FLNC: variants seen among roughly 807,000 people sequenced by gnomAD.
FLNC encodes the protein filamin-C.
FLNC carries 91 observed loss-of-function variants against 254.3 expected under a neutral mutation model. That is an observed-to-expected ratio of 0.36 (90% CI 0.30 to 0.43). The LOEUF (loss-of-function observed/expected upper bound fraction) is 0.43, where lower values mean the gene tolerates loss of function less well. Ranked by LOEUF, FLNC falls within the 20% of genes least tolerant of loss-of-function variation. FLNC has a pLI of 1.00. For synonymous variants in FLNC, 1,430 were observed against 1,577.2 expected (o/e 0.91, Z 2.21); for missense variants, 2,853 against 3,802.6 (o/e 0.75, Z 6.57).
chr7:128,843,076 T>G, intron 16 of FLNC, 122 bp downstream of exon 16: 1 of 1,403,082 alleles, frequency 7.1e-7, no homozygotes, highest in African/African-American at 1.4e-5. Flanking sequence ...CCTACCTGTG[T>G]GAGGCAGGGT....
In FLNC at chr7:128,842,311, G is replaced by A. The variant is rs769984017; in HGVS notation, c.2202G>A (p.Lys734=). 5 of 1,613,738 alleles carry A rather than the reference G, an allele frequency of 3.1e-6. No individual in the cohort carries two copies. The highest frequency in any genetic ancestry group is 3.4e-6 in the Non-Finnish European group (4 of 1,180,016). The change falls in exon 14 of 48, where the codon AAG becomes AAA. Residue 734 remains lysine, a synonymous_variant. Coordinates refer to ENST00000325888, the MANE Select transcript of FLNC (RefSeq NM_001458.5). This position sits in a 1 kb window ranked among gnomAD's most constrained non-coding sequence, Gnocchi z 5.4. ...TCCGCTGCTCCTACGTGCCCACCAA[G>A]CCCATTAAGCACACCATCATCATCT... ...GTFRCSYVPT[K]PIKHTIIISW...
Position 128,853,042 on chromosome 7 carries a change from C to T in FLNC, c.6208+11C>T, listed in dbSNP as rs1563002596. On this transcript the variant is annotated intron_variant, in intron 37 of 47. Coordinates refer to ENST00000325888, the MANE Select transcript of FLNC (RefSeq NM_001458.5). ...ACACTCGCAATGCAGGTACCTCCTG[C>T]CCCAGAGAGCCCCCATTCCAGCGGG... 3.1e-6 allele frequency: 5 copies of T among 1,611,228 alleles called. No homozygotes were observed. Among genetic ancestry groups the T allele is most frequent in the Non-Finnish European group, 4.2e-6 (5 of 1,178,712 alleles).
At chr7:128,840,334 T>C (rs148068774) in intron 9 of FLNC, among the ~76,000 whole-genome samples, 174 bp downstream of exon 9, 1 of 152,302 alleles carries the variant, frequency 6.6e-6, no homozygotes, top group Non-Finnish European at 1.5e-5. Context: ...TTTCTTGGTC[T>C]ACAAGCCAGG....
intron 3 of FLNC, 30 bp from the exon 4 acceptor site, chr7:128,837,368 G>T (rs765541921): frequency 6.2e-7 from 1 of 1,613,740 alleles, no homozygotes; most frequent in South Asian, 1.1e-5. Context: ...AAAAGAGGGC[G>T]CCATGTGACA....
rs1274480597 is a variant in FLNC, at chr7:128,837,642, G to C, written c.856G>C (p.Glu286Gln). Residue 286 changes from glutamate to glutamine, a missense_variant, in exon 5 of 48, where the codon GAG becomes CAG. Transcript: ENST00000325888. ...KKAIAYGPGI[E>Q]PQGNTVLQPA... ...GCTCTGCTCCTGCCCCGTAGGCATC[G>C]AGCCACAGGGCAACACCGTGCTGCA... 1 of 1,612,622 alleles carries C rather than the reference G, an allele frequency of 6.2e-7. No homozygotes were observed. The highest frequency in any genetic ancestry group is 2.2e-5 in the East Asian group (1 of 44,890).
At position 128,847,999 on chromosome 7, in the gene FLNC, A is replaced by G. The variant is rs1429032102; in HGVS notation, c.4511A>G (p.His1504Arg). 6.2e-7 allele frequency: 1 copy of G among 1,608,928 alleles called. No individual in the cohort carries two copies. ...AATGGAGATGGCACCCACACTGTCCACTACACCCCAGCCACTGACGGGCCC... is the reference window on the plus strand; with the variant it reads ...AATGGAGATGGCACCCACACTGTCCGCTACACCCCAGCCACTGACGGGCCC... Reference protein sequence around the residue: ...RDNGDGTHTVHYTPATDGPYT... With the variant: ...RDNGDGTHTVRYTPATDGPYT... The change falls in exon 26 of 48, where the codon CAC (histidine) becomes CGC (arginine). Residue 1504 changes from histidine (H) to arginine (R), a missense_variant. Transcript: ENST00000325888.
rs772401033 is a variant in FLNC at position 128,830,919 on chromosome 7, A to G, written c.282A>G (p.Gln94=). The change falls in exon 1 of 48, where the codon CAA becomes CAG. Residue 94 remains glutamine, a synonymous_variant. Transcript: ENST00000325888. The part of the protein sequence containing the change: ...RKFHPRPNFR[Q]MKLENVSVAL... ...TCCATCCGCGCCCCAACTTCCGCCAAATGAAGCTGGAGAACGTGTCCGTGG... is the reference window on the plus strand; with the variant it reads ...TCCATCCGCGCCCCAACTTCCGCCAGATGAAGCTGGAGAACGTGTCCGTGG... 5.0e-6 allele frequency: 8 copies of G among 1,613,028 alleles called. No individual in the cohort carries two copies. The Admixed American group carries it at 1.3e-4, about 27-fold the overall frequency.
At position 128,840,164 on chromosome 7, in the gene FLNC, A is replaced by G. The variant is rs767720224; in HGVS notation, c.1549+4A>G. 6.2e-7 allele frequency: 1 copy of G among 1,613,674 alleles called. No individual in the cohort carries two copies. Among genetic ancestry groups the G allele is most frequent in the Admixed American group, 1.7e-5 (1 of 60,014 alleles). On this transcript the variant is annotated splice_donor_region_variant and intron_variant, in intron 9 of 47. Coordinates refer to ENST00000325888, the MANE Select transcript of FLNC (RefSeq NM_001458.5). ...AAGGTCACGGTCAAGGGGCCAAGTG[A>G]GTGCCAGAGCCCAGGGTCGTGAGGG...
chr7:128,850,984 G>C (rs1208136107), intron 33 of FLNC, 41 bp downstream of exon 33: 1 of 1,608,134 alleles, frequency 6.2e-7, no homozygotes, highest in African/African-American at 1.3e-5. Flanking sequence ...TGGGTGAGAG[G>C]AGCAGGCCGT....
At position 128,852,695 on chromosome 7, in the gene FLNC, G is replaced by T. The variant is rs1168686326; in HGVS notation, c.5947G>T (p.Ala1983Ser). The T allele has an allele frequency of 2.5e-6, 4 of 1,613,166 alleles. No individual in the cohort carries two copies. In the Admixed American group the frequency reaches 6.7e-5, roughly 27 times the overall value. The change falls in exon 36 of 48, where the codon GCC (alanine) becomes TCC (serine). Residue 1983 changes from alanine (A) to serine (S), a missense_variant. Ala to Ser is a moderately conservative substitution (Grantham distance 99, BLOSUM62 1). This residue lies in a region of FLNC where 551 missense variants were observed against 835.0 expected (regional missense o/e 0.66). Coordinates refer to ENST00000325888, the MANE Select transcript of FLNC (RefSeq NM_001458.5). ...DLSQLTASIRAPSGNEEPCLL... is the reference protein window; with the variant it reads ...DLSQLTASIRSPSGNEEPCLL... ...GAGCCAGCTGACCGCCAGCATCCGT[G>T]CCCCCTCGGGCAACGAGGAGCCCTG...
In FLNC at chr7:128,838,819, T is replaced by A. The variant is rs919278636; in HGVS notation, c.1411+16T>A. On this transcript the variant is annotated intron_variant, in intron 8 of 47. Transcript: ENST00000325888. ...GTGTCGGAAGGTAAGGGCCCTTCAC[T>A]GCTCCCCACGGTAGCCCTTACCAAA... The A allele has an allele frequency of 5.6e-6, 9 of 1,609,702 alleles. No individual in the cohort carries two copies. Among genetic ancestry groups the A allele is most frequent in the Non-Finnish European group, 7.6e-6 (9 of 1,177,530 alleles).
chr7:128,845,438 CG>C (rs895310087), intron 21 of FLNC, among the ~76,000 whole-genome samples, 183 bp downstream of exon 21: 1 of 151,918 alleles, frequency 6.6e-6, no homozygotes, highest in African/African-American at 2.4e-5. Flanking sequence ...AGGGGAAGAC[CG>C]GGGGTGGAGA....
At position 128,831,437 on chromosome 7, in the gene FLNC, G is replaced by T. The variant is rs542696938; in HGVS notation, c.352+448G>T. 6.3e-3 allele frequency among the ~76,000 whole-genome samples: 966 copies of T among 152,274 alleles called. 12 individuals are homozygous for T. Among genetic ancestry groups the T allele is most frequent in the Non-Finnish European group, 8.8e-3 (599 of 68,004 alleles). On this transcript the variant is annotated intron_variant, in intron 1 of 47. Coordinates refer to ENST00000325888, the MANE Select transcript of FLNC (RefSeq NM_001458.5). ...ACAGCCCCTCCGCGGGCTGGGAGAG[G>T]GCTGAAGACAGGTCCCCAACCACTG... is the stretch of plus-strand genomic sequence containing the variant.
intron 40 of FLNC, 39 bp downstream of exon 40, chr7:128,854,255 G>A (rs752438701): frequency 5.6e-5 from 90 of 1,603,210 alleles, no homozygotes; most frequent in Non-Finnish European, 6.8e-5. Context: ...TCCTCACGGC[G>A]GGATGGGAGG....
At chr7:128,849,889 C>A in intron 30 of FLNC, 87 bp from the exon 31 acceptor site, 1 of 970,126 alleles carries the variant, frequency 1.0e-6, no homozygotes, top group Non-Finnish European at 1.6e-6. Context: ...TATCACCCAG[C>A]ATTTCAGGTT....
At chr7:128,832,560 C>G (rs564816655) in intron 1 of FLNC, among the ~76,000 whole-genome samples, 2 of 152,348 alleles carry the variant, frequency 1.3e-5, no homozygotes, top group Admixed American at 6.5e-5. Context: ...CTCCAGGCCT[C>G]GTCCTTCCTG....
rs1258459459 is a variant in FLNC at position 128,830,830 on chromosome 7, A to G, written c.193A>G (p.Ser65Gly). The change falls in exon 1 of 48, where the codon AGC becomes GGC. Residue 65 changes from serine to glycine, a missense_variant. Coordinates refer to ENST00000325888, the MANE Select transcript of FLNC (RefSeq NM_001458.5). ...KRLTDLQRDL[S>G]DGLRLIALLE... ...CCTGACCGACCTGCAGCGCGACCTC[A>G]GCGACGGGCTCCGGCTCATCGCGCT... 13 of 1,613,102 alleles carry G rather than the reference A, an allele frequency of 8.1e-6. No individual in the cohort carries two copies. In the South Asian group the frequency reaches 1.2e-4, roughly 15 times the overall value.
intron 7 of FLNC, 59 bp downstream of exon 7, chr7:128,838,488 G>T: frequency 6.2e-7 from 1 of 1,603,910 alleles, no homozygotes; most frequent in Non-Finnish European, 8.5e-7. Context: ...GGCTGTGTGG[G>T]GGTGGGGGGA....
chr7:128,830,489 C>G lies in FLNC; in HGVS notation c.-149C>G, dbSNP rs1259336481. The G allele has an allele frequency of 1.5e-6, 1 of 687,246 alleles. No homozygotes were observed. Among genetic ancestry groups the G allele is most frequent in the African/African-American group, 1.8e-5 (1 of 55,242 alleles). 42.6% of individuals were successfully genotyped at this position (687,246 alleles called of 1,614,324 possible). A position where few individuals can be genotyped will look rare whatever the true frequency, so the allele number is the denominator to read the frequency against. On this transcript the variant is annotated 5_prime_UTR_variant, in exon 1 of 48. Transcript: ENST00000325888. Reference sequence around the variant, plus strand: ...GCCTAGGAGGCCCGCCGAGCCTCGCCGAGCCCCGCCAGCCCCGGCGCGAGA... The same window carrying G: ...GCCTAGGAGGCCCGCCGAGCCTCGCGGAGCCCCGCCAGCCCCGGCGCGAGA...
Sources: allele counts gnomAD v4.1 joint callset (sites outside exome capture counted in the v4.1 genomes callset), GRCh38; gene constraint gnomAD v4.1.1; regional missense constraint gnomAD v4.1.1; non-coding constraint Gnocchi (gnomAD v3.1); transcripts MANE v1.5; gene names NCBI Gene and HGNC (gene_info 2026-07-23, HGNC 2026-07-21).